The following CNTLN variants were observed in gnomAD, a reference collection of about 807,000 sequenced individuals.
CNTLN encodes the protein centlein, also known as centlein, centrosomal protein.
Under a neutral mutation model 180.0 loss-of-function variants are expected in CNTLN, and 212 were observed. That is an observed-to-expected ratio of 1.18 (90% CI 1.05 to 1.32). The LOEUF (loss-of-function observed/expected upper bound fraction) is 1.32, where lower values mean the gene tolerates loss of function less well. CNTLN is among the 40% of genes most tolerant of loss of function. CNTLN has a pLI of 0.00. For synonymous variants in CNTLN, 722 were observed against 563.1 expected, an observed-to-expected ratio of 1.28 and a Z score of -3.99; for missense variants, 2,095 against 1,610.9, an observed-to-expected ratio of 1.30 and a Z score of -5.14.
intron 8 of CNTLN, among the ~76,000 whole-genome samples, chr9:17,323,469 C>T (rs1046601750): frequency 2.6e-5 from 4 of 152,162 alleles, no homozygotes; most frequent in African/African-American, 9.7e-5. Context: ...GGAGTAGAAG[C>T]ACAAGCTCCT....
chr9:17,365,863 C>A (rs200316460), intron 12 of CNTLN, among the ~76,000 whole-genome samples: 1 of 152,096 alleles, frequency 6.6e-6, no homozygotes, highest in Non-Finnish European at 1.5e-5. Flanking sequence ...GGAGGATCAC[C>A]TGAGCCTGGG....
chr9:17,516,196 A>G, the CNTLN span, among the ~76,000 whole-genome samples: 1 of 152,096 alleles, frequency 6.6e-6, no homozygotes, highest in Non-Finnish European at 1.5e-5. Context: ...AACATATTTC[A>G]CATTGCACTC....
chr9:17,143,478 T>C, intron 2 of CNTLN, 102 bp downstream of exon 2: 1 of 842,950 alleles, frequency 1.2e-6, no homozygotes, highest in Non-Finnish European at 1.9e-6. Flanking sequence ...AAGAGATTCA[T>C]TTAATTTCTG....
intron 2 of CNTLN, among the ~76,000 whole-genome samples, chr9:17,208,542 T>C (rs1195014243): frequency 6.6e-6 from 1 of 152,224 alleles, no homozygotes; most frequent in Non-Finnish European, 1.5e-5. Flanking sequence ...ATATGATTGG[T>C]ATTAGTTCTT....
intron 6 of CNTLN, among the ~76,000 whole-genome samples, chr9:17,277,480 TTAAATTA>T (rs1252042174): frequency 1.3e-5 from 2 of 152,052 alleles, no homozygotes; most frequent in African/African-American, 4.8e-5. Flanking sequence ...TAATCTGGAC[TTAAATTA>T]TATCTAAAGT....
At chr9:17,473,974 T>C (rs1452232470) in intron 23 of CNTLN, among the ~76,000 whole-genome samples, 1 of 152,210 alleles carries the variant, frequency 6.6e-6, no homozygotes, top group Non-Finnish European at 1.5e-5. Flanking sequence ...TCATCACATC[T>C]AGCCGGTCTT....
At chr9:17,453,764 A>C (rs902590692) in intron 18 of CNTLN, among the ~76,000 whole-genome samples, 2 of 152,216 alleles carry the variant, frequency 1.3e-5, no homozygotes, top group African/African-American at 4.8e-5. Context: ...GCCAAGGATC[A>C]TTCTCAACTC....
chr9:17,394,865 G>C lies in CNTLN; in HGVS notation c.2411G>C (p.Arg804Thr). 6.2e-7 allele frequency: 1 copy of C among 1,614,048 alleles called. No homozygotes were observed. The highest frequency in any genetic ancestry group is 8.5e-7 in the Non-Finnish European group (1 of 1,179,948). Residue 804 changes from arginine to threonine, a missense_variant, in exon 15 of 26, where the codon AGA (arginine) becomes ACA (threonine). By Grantham distance (71) the Arg-to-Thr change is moderately conservative (BLOSUM62 -1). Coordinates refer to ENST00000380647, the MANE Select transcript of CNTLN (RefSeq NM_017738.4). ...GAGAAATCACACCAGTCAGCAGACA[G>C]AGCTAAATCCGAGATGGCCACCATG... ...PMEKSHQSADRAKSEMATMKV... is the reference protein window; with the variant it reads ...PMEKSHQSADTAKSEMATMKV...
the CNTLN span, among the ~76,000 whole-genome samples, chr9:17,514,671 A>G: frequency 1.3e-5 from 2 of 152,306 alleles, no homozygotes; most frequent in Non-Finnish European, 2.9e-5. Context: ...TTTTATTCCA[A>G]GTGTACTGGT....
chr9:17,288,792 G>A (rs1355848548), intron 6 of CNTLN, among the ~76,000 whole-genome samples: 1 of 134,594 alleles, frequency 7.4e-6, no homozygotes, highest in Non-Finnish European at 1.5e-5. Context: ...GATCTTTGTT[G>A]GTTTAAAGTC....
intron 18 of CNTLN, among the ~76,000 whole-genome samples, chr9:17,438,424 G>A (rs567013384): frequency 2.0e-5 from 3 of 152,072 alleles, no homozygotes; most frequent in African/African-American, 7.2e-5. Context: ...AGAAAAAAGA[G>A]GTATTTAAGA....
chr9:17,328,022 C>A (rs1340552543), intron 8 of CNTLN, among the ~76,000 whole-genome samples: 4 of 151,888 alleles, frequency 2.6e-5, no homozygotes, highest in Admixed American at 2.6e-4. Flanking sequence ...CAGGTAAGTA[C>A]AAAGAAAATA....
At chr9:17,293,933 G>C (rs533101142) in intron 6 of CNTLN, among the ~76,000 whole-genome samples, 1 of 152,186 alleles carries the variant, frequency 6.6e-6, no homozygotes, top group Admixed American at 6.5e-5. Context: ...TTCCCAGGCA[G>C]GGTAGTAGTG....
At chr9:17,229,943 C>G (rs1349916659) in intron 3 of CNTLN, among the ~76,000 whole-genome samples, 1 of 152,082 alleles carries the variant, frequency 6.6e-6, no homozygotes. Flanking sequence ...CCTTGATATG[C>G]ATAATTCAGT....
Position 17,309,161 on chromosome 9 carries a change from A to C in CNTLN, c.1250A>C (p.Gln417Pro), listed in dbSNP as rs764733054. Residue 417 changes from glutamine to proline, a missense_variant, in exon 8 of 26, where the codon CAA becomes CCA. Coordinates refer to ENST00000380647, the MANE Select transcript of CNTLN (RefSeq NM_017738.4). ...CAGGATCAGCTATTACAAAAAGAGC[A>C]AGAAAATGCTAAGTTAAAAGAAAAA... is the stretch of plus-strand genomic sequence containing the variant. The part of the protein sequence containing the change: ...NLQDQLLQKE[Q>P]ENAKLKEKLQ... The C allele has an allele frequency of 6.2e-7, 1 of 1,610,856 alleles. No individual in the cohort carries two copies. Among genetic ancestry groups the C allele is most frequent in the Admixed American group, 1.7e-5 (1 of 59,818 alleles).
At chr9:17,509,206 A>G in the CNTLN span, among the ~76,000 whole-genome samples, 15 of 152,172 alleles carry the variant, frequency 9.9e-5, no homozygotes, top group African/African-American at 3.6e-4. Flanking sequence ...TGAGTGCCCA[A>G]TCTTTCAGTA....
intron 2 of CNTLN, among the ~76,000 whole-genome samples, chr9:17,213,709 CTA>C (rs1823507622): frequency 6.6e-6 from 1 of 152,128 alleles, no homozygotes; most frequent in African/African-American, 2.4e-5. Flanking sequence ...TTGTAGGTCT[CTA>C]AGGACTTGCT....
intron 7 of CNTLN, chr9:17,301,371 G>T: frequency 1.0e-6 from 1 of 985,140 alleles, no homozygotes; most frequent in Non-Finnish European, 1.2e-6. Context: ...TAAATGATGG[G>T]GTTATGTTGT....
At chr9:17,168,541 T>C (rs1820231706) in intron 2 of CNTLN, 1 of 152,172 alleles carries the variant, frequency 6.6e-6, no homozygotes, top group Non-Finnish European at 1.5e-5. Flanking sequence ...ATATTAAGAA[T>C]TAAATAAAAA....
Sources: allele counts gnomAD v4.1 joint callset (sites outside exome capture counted in the v4.1 genomes callset), GRCh38; gene constraint gnomAD v4.1.1; transcripts MANE v1.5; gene names NCBI Gene and HGNC (gene_info 2026-07-23, HGNC 2026-07-21).